Variants in PAQR5 observed in about 807,000 individuals in gnomAD.
PAQR5 encodes membrane progestin receptor gamma.
A neutral mutation model predicts 34.5 loss-of-function variants in PAQR5; 20 were observed. The observed-to-expected ratio is 0.58, with a 90% CI of 0.41 to 0.84. PAQR5 has a LOEUF of 0.84. Ranked by LOEUF, PAQR5 falls within the 40% of genes least tolerant of loss-of-function variation. PAQR5 has a pLI of 0.00. For missense variants in PAQR5, 378 were observed against 412.7 expected (o/e 0.92, Z 0.73); for synonymous variants, 131 against 155.6 (o/e 0.84, Z 1.18).
chr15:69,300,635 T>C (rs1290291461), intron 1 of PAQR5, among the ~76,000 whole-genome samples: 7 of 40,558 alleles, frequency 1.7e-4, no homozygotes, highest in African/African-American at 3.7e-4. Flanking sequence ...CTTTCTTTCT[T>C]TCTTTCTTTC....
At chr15:69,334,706 C>G (rs2054470868) in intron 1 of PAQR5, among the ~76,000 whole-genome samples, 1 of 152,150 alleles carries the variant, frequency 6.6e-6, no homozygotes, top group East Asian at 1.9e-4. Context: ...GTTTTACATA[C>G]TAGGTGTGTA....
chr15:69,321,099 G>A (rs1027577868), intron 1 of PAQR5, among the ~76,000 whole-genome samples: 1 of 152,140 alleles, frequency 6.6e-6, no homozygotes, highest in Non-Finnish European at 1.5e-5. Flanking sequence ...TCTGATGCAC[G>A]CTTCCTGTAT....
intron 8 of PAQR5, among the ~76,000 whole-genome samples, chr15:69,400,579 C>T (rs1225203176): frequency 6.6e-6 from 1 of 152,112 alleles, no homozygotes; most frequent in Non-Finnish European, 1.5e-5. Flanking sequence ...GTGGTCCCAG[C>T]TACTTGGGAG....
chr15:69,301,437 G>A (rs559310181), intron 1 of PAQR5, among the ~76,000 whole-genome samples: 1 of 152,184 alleles, frequency 6.6e-6, no homozygotes, highest in Non-Finnish European at 1.5e-5. Flanking sequence ...GTCCCTTTAC[G>A]TAGAATTCTT....
chr15:69,379,309 TGG>T, intron 3 of PAQR5: 1 of 449,190 alleles, frequency 2.2e-6, no homozygotes. Context: ...ATGGGCTGCA[TGG>T]GGGTGGGGGT....
chr15:69,371,564 A>C (rs1482720569), intron 3 of PAQR5, among the ~76,000 whole-genome samples: 1 of 152,122 alleles, frequency 6.6e-6, no homozygotes. Context: ...TCAAAATTAC[A>C]CCTCAGTCTA....
At chr15:69,360,358 A>T (rs2055200425) in intron 3 of PAQR5, among the ~76,000 whole-genome samples, 1 of 152,236 alleles carries the variant, frequency 6.6e-6, no homozygotes, top group Admixed American at 6.5e-5. Flanking sequence ...TCCTTGCAAC[A>T]TCTGTGTGTT....
intron 1 of PAQR5, among the ~76,000 whole-genome samples, chr15:69,330,931 C>T (rs1019731841): frequency 4.6e-5 from 7 of 151,966 alleles, no homozygotes; most frequent in Non-Finnish European, 8.8e-5. Context: ...GGTTCGGTGG[C>T]CCCACTCCAG....
chr15:69,402,372 C>T (rs1766018317), intron 8 of PAQR5, among the ~76,000 whole-genome samples: 1 of 151,292 alleles, frequency 6.6e-6, no homozygotes, highest in South Asian at 2.1e-4. Flanking sequence ...GGCTGGAGTG[C>T]AGTGGCATGA....
At chr15:69,356,238 A>G (rs904034085) in intron 2 of PAQR5, among the ~76,000 whole-genome samples, 5 of 152,126 alleles carry the variant, frequency 3.3e-5, no homozygotes, top group African/African-American at 1.2e-4. Context: ...GAGTTTCCCT[A>G]TTACTGGACA....
intron 2 of PAQR5, among the ~76,000 whole-genome samples, chr15:69,350,061 CCAGACTTTA>C (rs2054872893): frequency 6.6e-6 from 1 of 152,162 alleles, no homozygotes; most frequent in African/African-American, 2.4e-5. Context: ...TTTCTGTAGG[CCAGACTTTA>C]CAATGGGAAA....
At chr15:69,391,848 G>A in intron 6 of PAQR5, 1 of 384,684 alleles carries the variant, frequency 2.6e-6, no homozygotes. Flanking sequence ...CCTGAGGTCA[G>A]GAGTTCAAGA....
At chr15:69,392,019 T>C (rs1302751380) in intron 6 of PAQR5, 5 of 362,556 alleles carry the variant, frequency 1.4e-5, no homozygotes, top group Non-Finnish European at 2.2e-5. Context: ...AGCATGCCAC[T>C]GTACTCCAGC....
intron 1 of PAQR5, among the ~76,000 whole-genome samples, chr15:69,305,373 T>C (rs1226876293): frequency 1.3e-5 from 2 of 152,096 alleles, no homozygotes; most frequent in East Asian, 1.9e-4. Context: ...GTTTCATGAA[T>C]GTGGACTGGG....
intron 2 of PAQR5, among the ~76,000 whole-genome samples, chr15:69,354,398 A>G (rs1262208187): frequency 6.6e-6 from 1 of 152,202 alleles, no homozygotes; most frequent in African/African-American, 2.4e-5. Flanking sequence ...GTAATATAAG[A>G]TTTATTGACC....
At chr15:69,344,129 C>T (rs543877965) in intron 2 of PAQR5, among the ~76,000 whole-genome samples, 48 of 152,254 alleles carry the variant, frequency 3.2e-4, no homozygotes, top group African/African-American at 1.1e-3. Flanking sequence ...CCACCATGCC[C>T]GGCTACAGCA....
At chr15:69,371,513 GATAAT>G (rs957089795) in intron 3 of PAQR5, among the ~76,000 whole-genome samples, 3 of 152,004 alleles carry the variant, frequency 2.0e-5, no homozygotes, top group African/African-American at 7.2e-5. Context: ...ATTAGAAAGA[GATAAT>G]ATAAAGAAAA....
intron 1 of PAQR5, among the ~76,000 whole-genome samples, chr15:69,311,767 A>G (rs1269035019): frequency 3.3e-5 from 5 of 152,254 alleles, no homozygotes; most frequent in African/African-American, 1.2e-4. Flanking sequence ...ATTCCCCTGC[A>G]GCCACACACT....
At chr15:69,354,987 C>T (rs1319603066) in intron 2 of PAQR5, among the ~76,000 whole-genome samples, 2 of 152,194 alleles carry the variant, frequency 1.3e-5, no homozygotes, top group South Asian at 4.1e-4. Context: ...GTTCTCAGGG[C>T]CTTCTGCCTC....
Sources: gnomAD v4.1 joint callset for allele counts (sites outside exome capture counted in the v4.1 genomes callset) on GRCh38, gnomAD v4.1.1 for gene constraint, MANE v1.5 for transcripts, NCBI Gene and HGNC (gene_info 2026-07-23, HGNC 2026-07-21) for gene names.